Variants in TLE4 observed in about 807,000 individuals in gnomAD.
TLE4 encodes the protein TLE family member 4, transcriptional corepressor.
Under a neutral mutation model 92.8 loss-of-function variants are expected in TLE4, and 8 were observed. That is an observed-to-expected ratio of 0.09 (90% CI 0.05 to 0.16). The LOEUF (loss-of-function observed/expected upper bound fraction) is 0.16. TLE4 is among the 10% of genes least tolerant of loss of function. The probability of loss-of-function intolerance (pLI) is 1.00; values close to 1 mark genes in which losing one functional copy is unlikely to be tolerated. For synonymous variants in TLE4, 371 were observed against 374.1 expected (o/e 0.99, Z 0.10); for missense variants, 675 against 997.6 (o/e 0.68, Z 4.36).
rs4877497 is a variant in TLE4 at position 79,626,434 on chromosome 9, A to G, written c.316-940A>G. Among the ~76,000 whole-genome samples the G allele has an allele frequency of 7.9e-3, 1,206 of 152,346 alleles. 42 individuals are homozygous for G. In the East Asian group the frequency reaches 0.1, roughly 13 times the overall value. On this transcript the variant is annotated intron_variant, in intron 5 of 19. Transcript: ENST00000376552. ...CACGGCGCAGTTCCTTTGGTTCTTC[A>G]TTCACTAAACCAAGTTGAAAGAAAC...
chr9:79,704,954 C>T lies in TLE4; in HGVS notation c.729+52C>T, dbSNP rs200267324. ...GGAGGCCAGCTTGCCTTTTTATCTG[C>T]AGCCATTTTACCCTTTGACTATTAC... is the stretch of plus-strand genomic sequence containing the variant. On this transcript the variant is annotated intron_variant, in intron 9 of 19. Coordinates refer to ENST00000376552, the MANE Select transcript of TLE4 (RefSeq NM_007005.6). 5,672 of 1,608,006 alleles carry T rather than the reference C, an allele frequency of 3.5e-3. 13 individuals are homozygous for T. Among genetic ancestry groups the T allele is most frequent in the Non-Finnish European group, 4.5e-3 (5,304 of 1,177,116 alleles).
chr9:79,639,291 C>T (rs950774838), intron 6 of TLE4, among the ~76,000 whole-genome samples: 10 of 151,998 alleles, frequency 6.6e-5, no homozygotes, highest in Admixed American at 2.0e-4. Flanking sequence ...TATTCTATAC[C>T]TTGCAGAGGA....
chr9:79,641,557 A>G (rs570922176), intron 6 of TLE4, among the ~76,000 whole-genome samples: 1 of 152,310 alleles, frequency 6.6e-6, no homozygotes, highest in South Asian at 2.1e-4. Flanking sequence ...CACTGGTCAC[A>G]GCAAGCGTCT....
intron 5 of TLE4, among the ~76,000 whole-genome samples, chr9:79,617,834 G>GAA (rs202053188): frequency 0.024 from 3,358 of 139,186 alleles, 124 homozygotes; most frequent in African/African-American, 0.08. Context: ...TTTTTTCAAG[G>GAA]AAAAAAAAAA....
At chr9:79,642,860 A>G (rs1421554986) in intron 6 of TLE4, among the ~76,000 whole-genome samples, 3 of 152,190 alleles carry the variant, frequency 2.0e-5, no homozygotes, top group Non-Finnish European at 4.4e-5. Context: ...TTGGAGGACT[A>G]CAGAGATCTG....
chr9:79,681,782 G>A (rs1314172816), intron 8 of TLE4, among the ~76,000 whole-genome samples: 4 of 151,208 alleles, frequency 2.6e-5, no homozygotes, highest in African/African-American at 4.9e-5. Context: ...GGAGGAGGGA[G>A]GAAGAGAGGG....
chr9:79,586,066 T>C (rs948473903), intron 4 of TLE4, among the ~76,000 whole-genome samples: 1 of 142,772 alleles, frequency 7.0e-6, no homozygotes, highest in Non-Finnish European at 1.6e-5. Context: ...TTTGTACTTT[T>C]CCTTTGGCAT....
chr9:79,648,435 A>C (rs1206547586), intron 6 of TLE4, among the ~76,000 whole-genome samples: 1 of 152,142 alleles, frequency 6.6e-6, no homozygotes, highest in African/African-American at 2.4e-5. Flanking sequence ...GATGATGGAC[A>C]CTTAGATTGC....
intron 7 of TLE4, among the ~76,000 whole-genome samples, chr9:79,653,796 G>A (rs2059375442): frequency 6.6e-6 from 1 of 152,158 alleles, no homozygotes; most frequent in Admixed American, 6.5e-5. Context: ...TAAATACTTT[G>A]AAAAAGTCTA....
chr9:79,693,855 GGTGA>G (rs1365746118), intron 8 of TLE4, among the ~76,000 whole-genome samples: 3 of 152,156 alleles, frequency 2.0e-5, no homozygotes, highest in Non-Finnish European at 4.4e-5. Context: ...TTCTCTGTGT[GGTGA>G]GTGAGAGTAT....
chr9:79,670,255 T>C (rs2062075525), intron 8 of TLE4, among the ~76,000 whole-genome samples: 1 of 151,604 alleles, frequency 6.6e-6, no homozygotes. Flanking sequence ...TTATCACCAT[T>C]AACAAGCCAG....
chr9:79,574,777 T>G, intron 2 of TLE4, 96 bp from the exon 3 acceptor site: 13 of 1,001,746 alleles, frequency 1.3e-5, no homozygotes, highest in East Asian at 2.6e-5. Context: ...AGATTGTTGA[T>G]TTAGTTGTTT....
chr9:79,718,482 T>G (rs573061784), intron 14 of TLE4, among the ~76,000 whole-genome samples: 1 of 152,332 alleles, frequency 6.6e-6, no homozygotes, highest in Non-Finnish European at 1.5e-5. Context: ...AGTTTAGAGA[T>G]TCTAAGTAAC....
chr9:79,714,229 G>A (rs1462007736), intron 14 of TLE4, among the ~76,000 whole-genome samples: 2 of 152,094 alleles, frequency 1.3e-5, no homozygotes, highest in Non-Finnish European at 2.9e-5. Flanking sequence ...GAATAGCTTT[G>A]CCCAGTAATG....
intron 4 of TLE4, among the ~76,000 whole-genome samples, chr9:79,592,149 T>TTTC (rs542229037): frequency 4.8e-4 from 72 of 148,892 alleles, no homozygotes; most frequent in South Asian, 1.3e-3. Flanking sequence ...TTCTTTCTTC[T>TTTC]TTCTTCTTCT....
At chr9:79,623,745 G>A (rs2051718877) in intron 5 of TLE4, among the ~76,000 whole-genome samples, 1 of 143,066 alleles carries the variant, frequency 7.0e-6, no homozygotes, top group South Asian at 2.2e-4. Flanking sequence ...GTAAAGTACA[G>A]CATTTTAAAG....
intron 4 of TLE4, among the ~76,000 whole-genome samples, chr9:79,605,156 G>A (rs1361954326): frequency 6.6e-6 from 1 of 152,088 alleles, no homozygotes; most frequent in Admixed American, 6.6e-5. Flanking sequence ...GAGTAATCAG[G>A]TTCTCTGACC....
intron 14 of TLE4, among the ~76,000 whole-genome samples, chr9:79,715,287 A>C (rs758663640): frequency 2.0e-5 from 3 of 152,194 alleles, no homozygotes; most frequent in Non-Finnish European, 4.4e-5. Context: ...TAAACTTGGA[A>C]TAATCTTTCT....
intron 4 of TLE4, among the ~76,000 whole-genome samples, chr9:79,591,737 G>A (rs543020488): frequency 6.6e-6 from 1 of 152,236 alleles, no homozygotes; most frequent in South Asian, 2.1e-4. Flanking sequence ...GAAATGCATA[G>A]GAGGAAAGGC....
Sources: gnomAD v4.1 joint callset for allele counts (sites outside exome capture counted in the v4.1 genomes callset) on GRCh38, gnomAD v4.1.1 for gene constraint, MANE v1.5 for transcripts, NCBI Gene and HGNC (gene_info 2026-07-23, HGNC 2026-07-21) for gene names.